The following TBC1D23 variants were observed in gnomAD, a reference collection of about 807,000 sequenced individuals.
The protein encoded by TBC1D23 is TBC1 domain family member 23.
TBC1D23 carries 55 observed loss-of-function variants against 91.4 expected under a neutral mutation model. That is an observed-to-expected ratio of 0.60 (90% CI 0.48 to 0.75). TBC1D23 has a LOEUF of 0.75. TBC1D23 is among the 30% of genes least tolerant of loss of function. The probability of loss-of-function intolerance (pLI) is 0.00; values close to 1 mark genes in which losing one functional copy is unlikely to be tolerated. For missense variants in TBC1D23, 725 were observed against 836.1 expected (o/e 0.87, Z 1.64); for synonymous variants, 289 against 281.0 (o/e 1.03, Z -0.28).
chr3:100,303,990 C>T (rs1705475553), intron 11 of TBC1D23, among the ~76,000 whole-genome samples: 1 of 151,860 alleles, frequency 6.6e-6, no homozygotes, highest in Non-Finnish European at 1.5e-5. Context: ...AAGACATAAC[C>T]ACATCATTAT....
At position 100,322,162 on chromosome 3, in the gene TBC1D23, C is replaced by T. The variant is rs146219100; in HGVS notation, c.2018+1191C>T. Among the ~76,000 whole-genome samples, 719 of 152,194 alleles carry T rather than the reference C, an allele frequency of 4.7e-3. 2 individuals are homozygous for T. The highest frequency in any genetic ancestry group is 6.4e-3 in the Non-Finnish European group (433 of 68,012). On this transcript the variant is annotated intron_variant, in intron 18 of 18. Transcript: ENST00000394144. ...AGGCTAGAGTGCAGTGTTGCAATCA[C>T]GGCTCACTGTAAGCTCCGCCTCCCA... is the stretch of plus-strand genomic sequence containing the variant.
intron 9 of TBC1D23, 44 bp from the exon 10 acceptor site, chr3:100,299,195 C>A: frequency 7.7e-7 from 1 of 1,298,580 alleles, no homozygotes; most frequent in Non-Finnish European, 1.1e-6. Context: ...GCAATGTGAA[C>A]CTCATGGGAA....
chr3:100,288,912 G>C (rs892087397), intron 4 of TBC1D23, among the ~76,000 whole-genome samples: 1 of 152,140 alleles, frequency 6.6e-6, no homozygotes, highest in African/African-American at 2.4e-5. Context: ...AACTGTACGG[G>C]TTAAAAAGTA....
At chr3:100,308,521 T>C (rs1410149772) in intron 13 of TBC1D23, among the ~76,000 whole-genome samples, 1 of 152,106 alleles carries the variant, frequency 6.6e-6, no homozygotes, top group Non-Finnish European at 1.5e-5. Flanking sequence ...CATTTTAGCA[T>C]CATATGTAAA....
intron 17 of TBC1D23, 119 bp from the exon 18 acceptor site, chr3:100,320,658 T>A (rs1705838644): frequency 1.8e-6 from 1 of 561,720 alleles, no homozygotes; most frequent in South Asian, 4.4e-5. Context: ...TTTATATCTT[T>A]TAACTCAATT....
chr3:100,303,163 G>A (rs1192433573), intron 11 of TBC1D23, among the ~76,000 whole-genome samples: 1 of 152,028 alleles, frequency 6.6e-6, no homozygotes, highest in Admixed American at 6.6e-5. Context: ...GGTATTCTTT[G>A]GCAGTTTATG....
rs150170881 is a variant in TBC1D23 at position 100,296,706 on chromosome 3, A to G, written c.876+431A>G. 6.6e-3 allele frequency among the ~76,000 whole-genome samples: 997 copies of G among 151,970 alleles called. 10 individuals are homozygous for G. The highest frequency in any genetic ancestry group is 0.023 in the African/African-American group (952 of 41,436). ...AACCCTATCTTTACTAAGAAATACA[A>G]AAAATTAGCCGGGCGTGGTGGTGGG... On this transcript the variant is annotated intron_variant, in intron 8 of 18. Transcript: ENST00000394144.
Position 100,290,701 on chromosome 3 carries a change from G to A in TBC1D23, c.600G>A (p.Trp200Ter). The A allele has an allele frequency of 6.4e-7, 1 of 1,572,298 alleles. No individual in the cohort carries two copies. The highest frequency in any genetic ancestry group is 1.2e-5 in the South Asian group (1 of 85,002). The change falls in exon 5 of 19, where the codon TGG becomes TGA. Residue 200 changes from tryptophan to a stop codon, truncating the protein, a stop_gained and splice_region_variant. Transcript: ENST00000394144. LOFTEE classifies it high-confidence loss of function. ...CTCCAGACTCCTATGCACTCAACTG[G>A]GTAATAAAGTGAAAGTAGGAACATT... is the stretch of plus-strand genomic sequence containing the variant. ...KITPDSYALN[W>*]LGSLFACYCS...
chr3:100,305,399 C>T (rs1269417043), intron 12 of TBC1D23, among the ~76,000 whole-genome samples: 2 of 151,996 alleles, frequency 1.3e-5, no homozygotes, highest in Non-Finnish European at 2.9e-5. Flanking sequence ...AGGATCTCTG[C>T]AGGCAAGTAT....
intron 1 of TBC1D23, among the ~76,000 whole-genome samples, chr3:100,265,392 G>A (rs2067549918): frequency 6.6e-6 from 1 of 152,210 alleles, no homozygotes; most frequent in South Asian, 2.1e-4. Flanking sequence ...AGCCATGTAA[G>A]CTCAAAGGGT....
In TBC1D23 at chr3:100,310,546, A is replaced by G; in HGVS notation, c.1553+4A>G. ...ATACATCAACTCCTGTGGATCGGTGAGTTGTTTATACAGTATGAGTTTATG... is the reference window on the plus strand; with the variant it reads ...ATACATCAACTCCTGTGGATCGGTGGGTTGTTTATACAGTATGAGTTTATG... On this transcript the variant is annotated splice_donor_region_variant and intron_variant, in intron 14 of 18. Coordinates refer to ENST00000394144, the MANE Select transcript of TBC1D23 (RefSeq NM_001199198.3). The G allele has an allele frequency of 6.2e-7, 1 of 1,610,332 alleles. No homozygotes were observed. Among genetic ancestry groups the G allele is most frequent in the Non-Finnish European group, 8.5e-7 (1 of 1,177,964 alleles).
At chr3:100,314,853 A>C (rs1280934433) in intron 15 of TBC1D23, among the ~76,000 whole-genome samples, 1 of 152,192 alleles carries the variant, frequency 6.6e-6, no homozygotes, top group Non-Finnish European at 1.5e-5. Flanking sequence ...GCTCTTGAAA[A>C]TAGAAGATTT....
intron 8 of TBC1D23, 121 bp from the exon 9 acceptor site, chr3:100,297,802 T>C (rs1017051459): frequency 8.7e-6 from 7 of 801,988 alleles, no homozygotes; most frequent in Admixed American, 3.3e-5. Flanking sequence ...GTATTAAGTT[T>C]TAAAAAATCA....
At chr3:100,265,988 GAT>G (rs2067554373) in intron 1 of TBC1D23, among the ~76,000 whole-genome samples, 1 of 152,050 alleles carries the variant, frequency 6.6e-6, no homozygotes, top group African/African-American at 2.4e-5. Flanking sequence ...TGAAATTTCA[GAT>G]ATGATATAAT....
At chr3:100,313,904 GTATT>G (rs2148870425) in intron 15 of TBC1D23, among the ~76,000 whole-genome samples, 1 of 148,952 alleles carries the variant, frequency 6.7e-6, no homozygotes, top group African/African-American at 2.4e-5. Flanking sequence ...GGACAATTTT[GTATT>G]AGATATATTT....
At chr3:100,321,060 G>A (rs1278358226) in intron 18 of TBC1D23, 89 bp downstream of exon 18, 13 of 993,874 alleles carry the variant, frequency 1.3e-5, no homozygotes, top group Non-Finnish European at 1.9e-5. Context: ...TCTTTATTTT[G>A]GGGAATGGAT....
chr3:100,292,822 A>G (rs1240600231), intron 5 of TBC1D23, among the ~76,000 whole-genome samples: 2 of 152,110 alleles, frequency 1.3e-5, no homozygotes, highest in Non-Finnish European at 2.9e-5. Context: ...GCTGGTCTCA[A>G]TCTCCTGGGC....
At chr3:100,280,152 C>A (rs1460054805) in intron 2 of TBC1D23, among the ~76,000 whole-genome samples, 1 of 151,940 alleles carries the variant, frequency 6.6e-6, no homozygotes, top group Non-Finnish European at 1.5e-5. Flanking sequence ...ATCGCTTGAA[C>A]CCAGGAGGCG....
At chr3:100,271,723 G>C (rs1324654841) in intron 1 of TBC1D23, among the ~76,000 whole-genome samples, 1 of 152,186 alleles carries the variant, frequency 6.6e-6, no homozygotes, top group Non-Finnish European at 1.5e-5. Flanking sequence ...TCTGAAGTAA[G>C]TGCTGAATAG....
Sources: gnomAD v4.1 joint callset for allele counts (sites outside exome capture counted in the v4.1 genomes callset) on GRCh38, gnomAD v4.1.1 for gene constraint, MANE v1.5 for transcripts, NCBI Gene and HGNC (gene_info 2026-07-23, HGNC 2026-07-21) for gene names.